TCERG1L: variants seen among roughly 807,000 people sequenced by gnomAD.
The protein encoded by TCERG1L is transcription elongation regulator 1 like.
TCERG1L carries 37 observed loss-of-function variants against 56.3 expected under a neutral mutation model. That is an observed-to-expected ratio of 0.66 (90% confidence interval 0.51 to 0.87). The LOEUF (loss-of-function observed/expected upper bound fraction) is 0.87. Among genes scored for constraint, TCERG1L ranks in the 40% least tolerant of loss-of-function variants. The pLI is 0.00. For synonymous variants in TCERG1L, 324 were observed against 326.3 expected (o/e 0.99, Z 0.08); for missense variants, 799 against 774.2 (o/e 1.03, Z -0.38).
Position 131,182,590 on chromosome 10 carries a change from G to A in TCERG1L, c.857-15705C>T, listed in dbSNP as rs553678574. ...CTGCATGACCAAAACAAAAGATAACGTCAGAAGAACTGTATGGATCCCTCT... is the reference window on the plus strand; with the variant it reads ...CTGCATGACCAAAACAAAAGATAACATCAGAAGAACTGTATGGATCCCTCT... On this transcript the variant is annotated intron_variant, in intron 4 of 11. Transcript: ENST00000368642. 4.6e-5 allele frequency among the ~76,000 whole-genome samples: 7 copies of A among 152,250 alleles called. No individual in the cohort carries two copies. In the South Asian group the frequency reaches 1.2e-3, roughly 27 times the overall value.
chr10:131,128,504 T>C (rs1177890593), intron 8 of TCERG1L, among the ~76,000 whole-genome samples: 2 of 152,222 alleles, frequency 1.3e-5, no homozygotes, highest in Non-Finnish European at 2.9e-5. Flanking sequence ...ATAAAGATAG[T>C]AACTAAAATC....
chr10:131,157,629 AAATAAT>A (rs969102877), intron 6 of TCERG1L, among the ~76,000 whole-genome samples: 1 of 152,222 alleles, frequency 6.6e-6, no homozygotes, highest in Non-Finnish European at 1.5e-5. Flanking sequence ...AAGGAGACTA[AAATAAT>A]AATAATGCTA....
At chr10:131,108,137 G>A (rs11017723) in intron 9 of TCERG1L, among the ~76,000 whole-genome samples, 22,778 of 152,126 alleles carry the variant, frequency 0.15, 1,978 homozygotes, top group East Asian at 0.34. Context: ...GGACAAAACC[G>A]GCTCTCCCTG....
intron 4 of TCERG1L, among the ~76,000 whole-genome samples, chr10:131,224,988 G>A (rs76564533): frequency 3.7e-4 from 56 of 152,240 alleles, no homozygotes; most frequent in African/African-American, 1.2e-3. Flanking sequence ...TGGACCTGCC[G>A]TGTGCTGAGC....
intron 8 of TCERG1L, among the ~76,000 whole-genome samples, chr10:131,121,155 G>A (rs551213701): frequency 2.0e-5 from 3 of 152,202 alleles, no homozygotes; most frequent in Non-Finnish European, 2.9e-5. Flanking sequence ...GAGCAGGGAA[G>A]AGACATAGAC....
intron 3 of TCERG1L, among the ~76,000 whole-genome samples, chr10:131,305,732 T>C (rs1393672846): frequency 1.3e-5 from 2 of 152,100 alleles, no homozygotes; most frequent in Non-Finnish European, 2.9e-5. Flanking sequence ...GCTCTGTTTC[T>C]GCTTCTATGA....
chr10:131,273,740 C>T (rs962765287), intron 3 of TCERG1L, among the ~76,000 whole-genome samples: 1 of 152,174 alleles, frequency 6.6e-6, no homozygotes, highest in African/African-American at 2.4e-5. Flanking sequence ...AGAGGTCACT[C>T]TGAGTGCTTC....
chr10:131,195,204 G>A lies in TCERG1L; in HGVS notation c.857-28319C>T, dbSNP rs73394601. Reference sequence around the variant, plus strand: ...GCATGACATGAGATCATCTTAGCAGGCACATCCAGGAAGCTGAAACCGTGT... The same window carrying A: ...GCATGACATGAGATCATCTTAGCAGACACATCCAGGAAGCTGAAACCGTGT... On this transcript the variant is annotated intron_variant, in intron 4 of 11. Coordinates refer to ENST00000368642, the MANE Select transcript of TCERG1L (RefSeq NM_174937.4). Among the ~76,000 whole-genome samples, 861 of 152,280 alleles carry A rather than the reference G, an allele frequency of 5.7e-3. 7 individuals carry two copies. The highest frequency in any genetic ancestry group is 0.02 in the African/African-American group (818 of 41,558).
intron 3 of TCERG1L, among the ~76,000 whole-genome samples, chr10:131,289,435 A>G (rs1846583845): frequency 6.6e-6 from 1 of 152,186 alleles, no homozygotes; most frequent in Non-Finnish European, 1.5e-5. Flanking sequence ...CACACCTATG[A>G]TATTGTGGTA....
chr10:131,189,831 CCAA>C (rs1347783676), intron 4 of TCERG1L, among the ~76,000 whole-genome samples: 1 of 152,124 alleles, frequency 6.6e-6, no homozygotes, highest in African/African-American at 2.4e-5. Context: ...TGAATCCTCA[CCAA>C]CATCTGCTAT....
At chr10:131,114,215 T>C (rs1279518031) in intron 9 of TCERG1L, among the ~76,000 whole-genome samples, 1 of 142,356 alleles carries the variant, frequency 7.0e-6, no homozygotes, top group Non-Finnish European at 1.6e-5. Context: ...ACAAATCTTA[T>C]TAATCACTCA....
intron 3 of TCERG1L, among the ~76,000 whole-genome samples, chr10:131,301,929 T>C (rs1846765665): frequency 6.6e-6 from 1 of 152,050 alleles, no homozygotes; most frequent in Admixed American, 6.5e-5. Flanking sequence ...ATAATTGACC[T>C]GAGCTTAAAA....
intron 6 of TCERG1L, among the ~76,000 whole-genome samples, chr10:131,152,597 A>C: frequency 6.6e-6 from 1 of 152,188 alleles, no homozygotes; most frequent in East Asian, 1.9e-4. Flanking sequence ...TGAGCCCTCC[A>C]AACTGTTCCA....
chr10:131,195,016 C>T (rs753810036), intron 4 of TCERG1L, among the ~76,000 whole-genome samples: 1 of 152,222 alleles, frequency 6.6e-6, no homozygotes, highest in Non-Finnish European at 1.5e-5. Flanking sequence ...GCTGAGGTCA[C>T]TGGTTGTGGC....
chr10:131,166,273 A>C (rs1368705914), intron 5 of TCERG1L, among the ~76,000 whole-genome samples: 1 of 152,256 alleles, frequency 6.6e-6, no homozygotes. Context: ...GACAGATGAG[A>C]GCAAATTAAG....
intron 4 of TCERG1L, among the ~76,000 whole-genome samples, chr10:131,256,073 C>A (rs1285566567): frequency 6.6e-6 from 1 of 152,096 alleles, no homozygotes; most frequent in East Asian, 1.9e-4. Flanking sequence ...GAGGTATAAG[C>A]AATTATGTTG....
At chr10:131,146,130 G>A (rs1367163185) in intron 7 of TCERG1L, among the ~76,000 whole-genome samples, 3 of 152,204 alleles carry the variant, frequency 2.0e-5, no homozygotes, top group African/African-American at 4.8e-5. Flanking sequence ...ATGTAAGGTG[G>A]AAGAAAACAC....
intron 6 of TCERG1L, among the ~76,000 whole-genome samples, chr10:131,151,517 C>T (rs763858308): frequency 6.6e-6 from 1 of 152,214 alleles, no homozygotes; most frequent in Non-Finnish European, 1.5e-5. Context: ...CTCCCTCAGC[C>T]TTGGGTAGGT....
intron 3 of TCERG1L, among the ~76,000 whole-genome samples, chr10:131,286,303 G>C (rs909479397): frequency 6.6e-6 from 1 of 152,188 alleles, no homozygotes; most frequent in Non-Finnish European, 1.5e-5. Flanking sequence ...TTTATGTTAA[G>C]TGAACTCTGA....
Sources: gnomAD v4.1 joint callset for allele counts (sites outside exome capture counted in the v4.1 genomes callset) on GRCh38, gnomAD v4.1.1 for gene constraint, MANE v1.5 for transcripts, NCBI Gene and HGNC (gene_info 2026-07-23, HGNC 2026-07-21) for gene names.